The following GRIN2A variants were observed in gnomAD, a reference collection of about 807,000 sequenced individuals.
The protein encoded by GRIN2A is glutamate receptor ionotropic, NMDA 2A.
A neutral mutation model predicts 113.4 loss-of-function variants in GRIN2A; 22 were observed. The ratio of observed to expected loss-of-function variants is 0.19; its 90% CI spans 0.14 to 0.28. The LOEUF is 0.28. Ranked by LOEUF, GRIN2A falls within the 10% of genes least tolerant of loss-of-function variation. The pLI is 1.00. For missense variants in GRIN2A, 1,502 were observed against 1,887.0 expected (o/e 0.80, Z 3.78); for synonymous variants, 827 against 738.4 (o/e 1.12, Z -1.94).
intron 2 of GRIN2A, among the ~76,000 whole-genome samples, chr16:10,040,000 A>ACCATCC (rs2047123974): frequency 8.0e-6 from 1 of 125,716 alleles, no homozygotes; most frequent in Non-Finnish European, 1.8e-5. Context: ...ACAAATACAC[A>ACCATCC]ACACACACAT....
At chr16:10,129,588 C>T (rs1021341204) in intron 2 of GRIN2A, among the ~76,000 whole-genome samples, 14 of 152,072 alleles carry the variant, frequency 9.2e-5, no homozygotes, top group East Asian at 1.9e-4. Flanking sequence ...CCCAAGCAAA[C>T]GGAACAACAA....
At chr16:9,908,356 A>AGTTTT (rs142839965) in intron 3 of GRIN2A, among the ~76,000 whole-genome samples, 1 of 151,870 alleles carries the variant, frequency 6.6e-6, no homozygotes, top group African/African-American at 2.4e-5. Context: ...GTGGAGGAGG[A>AGTTTT]GTTTTGTTTT....
intron 2 of GRIN2A, among the ~76,000 whole-genome samples, chr16:10,169,939 C>A (rs536795167): frequency 3.3e-5 from 5 of 152,250 alleles, no homozygotes; most frequent in Admixed American, 2.0e-4. Flanking sequence ...TTAGGATCTG[C>A]TGAGCTTCTG....
chr16:10,174,044 A>G (rs2050097021), intron 2 of GRIN2A, among the ~76,000 whole-genome samples: 1 of 152,210 alleles, frequency 6.6e-6, no homozygotes, highest in South Asian at 2.1e-4. Flanking sequence ...GAACTGAAAG[A>G]CGGGACTCTA....
chr16:10,066,602 A>G (rs1215259101), intron 2 of GRIN2A, among the ~76,000 whole-genome samples: 1 of 152,168 alleles, frequency 6.6e-6, no homozygotes, highest in Non-Finnish European at 1.5e-5. Flanking sequence ...GATGACCTAC[A>G]AAGAGACCCA....
chr16:10,001,319 G>A (rs2046315975), intron 2 of GRIN2A, among the ~76,000 whole-genome samples: 1 of 152,164 alleles, frequency 6.6e-6, no homozygotes, highest in South Asian at 2.1e-4. Context: ...CTACCTGGGT[G>A]CATCTATCAG....
intron 2 of GRIN2A, among the ~76,000 whole-genome samples, chr16:10,000,076 C>T (rs189275130): frequency 2.0e-5 from 3 of 152,258 alleles, no homozygotes; most frequent in East Asian, 3.9e-4. Context: ...TACATCTCCT[C>T]CTCTGACTCT....
intron 4 of GRIN2A, among the ~76,000 whole-genome samples, chr16:9,885,564 G>A (rs1771412978): frequency 6.6e-6 from 1 of 152,216 alleles, no homozygotes; most frequent in Non-Finnish European, 1.5e-5. Flanking sequence ...CTAAGGGCTT[G>A]TCGTGTTTTC....
At chr16:10,149,741 C>T (rs1337226909) in intron 2 of GRIN2A, among the ~76,000 whole-genome samples, 3 of 152,180 alleles carry the variant, frequency 2.0e-5, no homozygotes, top group South Asian at 2.1e-4. Flanking sequence ...CCCCCTATCC[C>T]CTCCTCACTC....
chr16:10,090,797 G>C (rs1340388657), intron 2 of GRIN2A, among the ~76,000 whole-genome samples: 1 of 151,974 alleles, frequency 6.6e-6, no homozygotes, highest in African/African-American at 2.4e-5. Flanking sequence ...ATATGATAAA[G>C]AACTGTATCA....
chr16:10,028,181 G>T (rs529105502), intron 2 of GRIN2A, among the ~76,000 whole-genome samples: 8 of 152,338 alleles, frequency 5.3e-5, no homozygotes, highest in African/African-American at 1.9e-4. Flanking sequence ...ACTCTATGAG[G>T]CAGGAACTGT....
chr16:10,013,057 T>G (rs983478274), intron 2 of GRIN2A, among the ~76,000 whole-genome samples: 2 of 152,164 alleles, frequency 1.3e-5, no homozygotes, highest in African/African-American at 4.8e-5. Flanking sequence ...GTACTGAGAT[T>G]AATACCTGGG....
intron 2 of GRIN2A, among the ~76,000 whole-genome samples, chr16:10,105,446 T>C (rs1163882849): frequency 7.2e-5 from 11 of 151,766 alleles, no homozygotes; most frequent in Admixed American, 5.9e-4. Flanking sequence ...GCTGACCCAA[T>C]GTTTAATAGA....
chr16:9,925,475 A>G (rs769784724), intron 3 of GRIN2A, among the ~76,000 whole-genome samples: 12 of 152,166 alleles, frequency 7.9e-5, no homozygotes, highest in Admixed American at 2.0e-4. Flanking sequence ...TACGCGGATC[A>G]CTTTTCTCAG....
At position 9,763,746 on chromosome 16, in the gene GRIN2A, G is replaced by C. The variant is rs1236179783; in HGVS notation, c.3798C>G (p.Val1266=). ...TGTTCTGTGCCCAGTCCTGCTGGTA[G>C]ACCTGCTCCCCGGTGGCTGGGTTAC... ...ETGNPATGEQ[V]YQQDWAQNNA... The change falls in exon 13 of 13, where the codon GTC becomes GTG. Residue 1266 remains valine, a synonymous_variant. Coordinates refer to ENST00000330684, the MANE Select transcript of GRIN2A (RefSeq NM_001134407.3). 1 of 1,614,156 alleles carries C rather than the reference G, an allele frequency of 6.2e-7. No homozygotes were observed. Among genetic ancestry groups the C allele is most frequent in the Non-Finnish European group, 8.5e-7 (1 of 1,180,022 alleles).
intron 4 of GRIN2A, among the ~76,000 whole-genome samples, chr16:9,875,955 A>T (rs145401877): frequency 1.3e-5 from 2 of 152,162 alleles, no homozygotes; most frequent in Non-Finnish European, 2.9e-5. Context: ...CCACTACATT[A>T]TAAGTTCCCT....
At chr16:9,882,899 G>GGAGGA (rs1361867483) in intron 4 of GRIN2A, among the ~76,000 whole-genome samples, 5 of 152,224 alleles carry the variant, frequency 3.3e-5, no homozygotes, top group South Asian at 2.1e-4. Flanking sequence ...AAAGGAAGCA[G>GGAGGA]ACACCTTTCT....
intron 2 of GRIN2A, among the ~76,000 whole-genome samples, chr16:10,083,460 G>C (rs1425316197): frequency 1.3e-5 from 2 of 152,204 alleles, no homozygotes; most frequent in Admixed American, 1.3e-4. Context: ...GGAATTACTT[G>C]TATAGCTACC....
At chr16:10,102,729 A>T (rs1407426962) in intron 2 of GRIN2A, among the ~76,000 whole-genome samples, 1 of 152,050 alleles carries the variant, frequency 6.6e-6, no homozygotes, top group South Asian at 2.1e-4. Context: ...GTGTTTCTTT[A>T]TAGCAACACA....
Sources: allele counts gnomAD v4.1 joint callset (sites outside exome capture counted in the v4.1 genomes callset), GRCh38; gene constraint gnomAD v4.1.1; transcripts MANE v1.5; gene names NCBI Gene and HGNC (gene_info 2026-07-23, HGNC 2026-07-21).